AP4S1: variants seen among roughly 807,000 people sequenced by gnomAD.
AP4S1 encodes AP-4 complex subunit sigma-1.
A neutral mutation model predicts 19.8 loss-of-function variants in AP4S1; 23 were observed. That is an observed-to-expected ratio of 1.16 (90% CI 0.84 to 1.65). The LOEUF is 1.65. AP4S1 is among the 40% of genes most tolerant of loss of function. The pLI is 0.00. For synonymous variants in AP4S1, 46 were observed against 54.1 expected, an observed-to-expected ratio of 0.85 and a Z score of 0.66; for missense variants, 166 against 172.8, an observed-to-expected ratio of 0.96 and a Z score of 0.22.
At chr14:31,041,979 C>T (rs1885136076) in intron 1 of AP4S1, among the ~76,000 whole-genome samples, 1 of 152,178 alleles carries the variant, frequency 6.6e-6, no homozygotes, top group Non-Finnish European at 1.5e-5. Context: ...CAGATGCATA[C>T]CATCACACCC....
At position 31,037,943 on chromosome 14, in the gene AP4S1, C is replaced by A. The variant is rs114540723; in HGVS notation, c.-72+12156C>A. 9.4e-3 allele frequency among the ~76,000 whole-genome samples: 1,435 copies of A among 152,302 alleles called. 22 individuals carry two copies. Among genetic ancestry groups the A allele is most frequent in the African/African-American group, 0.033 (1,383 of 41,564 alleles). ...CTCTGGCCTGGGTGACAGAGGGAGA[C>A]CCTGTCTCAAAACAAAACAAAGCAA... On this transcript the variant is annotated intron_variant, in intron 1 of 5. Transcript: ENST00000542754.
chr14:31,036,462 C>T (rs2139431099), intron 1 of AP4S1, among the ~76,000 whole-genome samples: 1 of 152,312 alleles, frequency 6.6e-6, no homozygotes, highest in South Asian at 2.1e-4. Context: ...CTTCCTGTGG[C>T]ATCACACCAG....
At chr14:31,055,661 G>A (rs1886066495) in intron 1 of AP4S1, among the ~76,000 whole-genome samples, 1 of 151,698 alleles carries the variant, frequency 6.6e-6, no homozygotes, top group Admixed American at 6.6e-5. Context: ...TTAACTTTGG[G>A]GATTTTATTT....
At chr14:31,038,761 ATATAGT>A (rs1327357238) in intron 1 of AP4S1, among the ~76,000 whole-genome samples, 5 of 152,314 alleles carry the variant, frequency 3.3e-5, no homozygotes, top group East Asian at 1.9e-4. Context: ...GATTAAATAG[ATATAGT>A]TAAAGCATTC....
intron 1 of AP4S1, among the ~76,000 whole-genome samples, chr14:31,028,596 T>TAC (rs112174443): frequency 0.27 from 40,336 of 148,978 alleles, 5,496 homozygotes; most frequent in African/African-American, 0.31. Context: ...TACACACACA[T>TAC]ACACACACAC....
chr14:31,062,872 T>C lies in AP4S1; in HGVS notation c.-71-3254T>C, dbSNP rs150303468. Among the ~76,000 whole-genome samples, 140 of 151,208 alleles carry C rather than the reference T, an allele frequency of 9.3e-4. No homozygotes were observed. In the East Asian group the frequency reaches 0.018, roughly 19 times the overall value. Reference sequence around the variant, plus strand: ...GTCCCAGCTACTCGGGAGGCTGAGGTAGGAGAATGGCATGAACCCGGGAGG... The same window carrying C: ...GTCCCAGCTACTCGGGAGGCTGAGGCAGGAGAATGGCATGAACCCGGGAGG... On this transcript the variant is annotated intron_variant, in intron 1 of 5. Coordinates refer to ENST00000542754, the MANE Select transcript of AP4S1 (RefSeq NM_001128126.3).
At chr14:31,069,087 A>C (rs1415857767) in intron 2 of AP4S1, among the ~76,000 whole-genome samples, 1 of 152,136 alleles carries the variant, frequency 6.6e-6, no homozygotes, top group Non-Finnish European at 1.5e-5. Flanking sequence ...AGAGCAACAC[A>C]TCCAGCACAC....
intron 1 of AP4S1, among the ~76,000 whole-genome samples, chr14:31,051,740 A>G (rs1885808184): frequency 6.6e-6 from 1 of 152,134 alleles, no homozygotes; most frequent in Non-Finnish European, 1.5e-5. Context: ...AGCACACTGT[A>G]ACTTCCCCCT....
intron 3 of AP4S1, 95 bp downstream of exon 3, chr14:31,070,024 T>G (rs571747732): frequency 8.9e-7 from 1 of 1,119,728 alleles, no homozygotes; most frequent in East Asian, 2.4e-5. Context: ...TAGACAGAAT[T>G]TTGCCCTGTC....
intron 1 of AP4S1, among the ~76,000 whole-genome samples, chr14:31,042,456 A>G (rs987460990): frequency 1.3e-5 from 2 of 152,160 alleles, no homozygotes; most frequent in African/African-American, 4.8e-5. Flanking sequence ...CTCTACCATC[A>G]GGGAATTCTG....
chr14:31,074,218 C>T (rs565378445), intron 4 of AP4S1, among the ~76,000 whole-genome samples: 1 of 151,818 alleles, frequency 6.6e-6, no homozygotes, highest in African/African-American at 2.4e-5. Context: ...CCCAGCTCCT[C>T]GGAAGGCTGA....
At chr14:31,089,992 T>G (rs1482415989) in intron 5 of AP4S1, among the ~76,000 whole-genome samples, 1 of 152,172 alleles carries the variant, frequency 6.6e-6, no homozygotes, top group African/African-American at 2.4e-5. Flanking sequence ...TCATTTTTAT[T>G]TATTTATTTA....
chr14:31,045,268 G>A (rs770850813), intron 1 of AP4S1, among the ~76,000 whole-genome samples: 40 of 152,098 alleles, frequency 2.6e-4, no homozygotes, highest in Non-Finnish European at 3.7e-4. Context: ...TTTATGAACC[G>A]TTTTACCACA....
At chr14:31,055,853 T>C (rs1465222822) in intron 1 of AP4S1, among the ~76,000 whole-genome samples, 8 of 152,022 alleles carry the variant, frequency 5.3e-5, no homozygotes, top group Non-Finnish European at 8.8e-5. Context: ...TTTCTTTTTT[T>C]GTTTTTTTGA....
chr14:31,026,394 C>T (rs1384666844), intron 1 of AP4S1: 152 of 365,786 alleles, frequency 4.2e-4, no homozygotes, highest in African/African-American at 8.8e-5. Context: ...GTCTCACTCA[C>T]TCACTTTAGG....
intron 5 of AP4S1, among the ~76,000 whole-genome samples, chr14:31,090,811 A>C (rs1213179482): frequency 1.3e-5 from 2 of 152,278 alleles, no homozygotes; most frequent in Non-Finnish European, 2.9e-5. Context: ...AAGAGTCACA[A>C]GATTCCAGGG....
At chr14:31,050,981 C>T (rs1471398475) in intron 1 of AP4S1, among the ~76,000 whole-genome samples, 2 of 151,936 alleles carry the variant, frequency 1.3e-5, no homozygotes, top group Non-Finnish European at 2.9e-5. Flanking sequence ...ATTGGCTGGG[C>T]TCGGTGGCCC....
chr14:31,045,605 C>A (rs1054656292), intron 1 of AP4S1, among the ~76,000 whole-genome samples: 26 of 152,248 alleles, frequency 1.7e-4, no homozygotes, highest in African/African-American at 6.3e-4. Flanking sequence ...AAACTACTTT[C>A]TATTATAAAT....
In AP4S1 at chr14:31,093,071, A is replaced by G. The variant is rs1480472299; in HGVS notation, c.*36A>G. 1 of 1,541,658 alleles carries G rather than the reference A, an allele frequency of 6.5e-7. No individual in the cohort carries two copies. Among genetic ancestry groups the G allele is most frequent in the South Asian group, 1.2e-5 (1 of 81,854 alleles). On this transcript the variant is annotated 3_prime_UTR_variant, in exon 6 of 6. Coordinates refer to ENST00000542754, the MANE Select transcript of AP4S1 (RefSeq NM_001128126.3). ...CTTCGAGACAATATGGATTTATCAG[A>G]AATGCGAGTACCGTGGAATACATCT...
Sources: allele counts gnomAD v4.1 joint callset (sites outside exome capture counted in the v4.1 genomes callset), GRCh38; gene constraint gnomAD v4.1.1; transcripts MANE v1.5; gene names NCBI Gene and HGNC (gene_info 2026-07-23, HGNC 2026-07-21).